Variants in KIAA1549L observed in about 807,000 individuals in gnomAD.
KIAA1549L encodes the protein UPF0606 protein KIAA1549L.
KIAA1549L carries 88 observed loss-of-function variants against 160.7 expected under a neutral mutation model. That is an observed-to-expected ratio of 0.55 (90% confidence interval 0.46 to 0.65). KIAA1549L has a LOEUF of 0.65. Ranked by LOEUF, KIAA1549L falls within the 30% of genes least tolerant of loss-of-function variation. KIAA1549L has a pLI of 0.00. For missense variants in KIAA1549L, 2,258 were observed against 2,437.5 expected, an observed-to-expected ratio of 0.93 and a Z score of 1.55; for synonymous variants, 950 against 976.7, an observed-to-expected ratio of 0.97 and a Z score of 0.51.
intron 1 of KIAA1549L, among the ~76,000 whole-genome samples, chr11:33,412,545 T>C (rs779184514): frequency 3.3e-5 from 5 of 152,164 alleles, no homozygotes; most frequent in Non-Finnish European, 7.3e-5. Flanking sequence ...GGAACTAGTA[T>C]TGAGGTACAC....
chr11:33,653,679 T>C (rs1327107867), intron 17 of KIAA1549L, among the ~76,000 whole-genome samples: 3 of 152,198 alleles, frequency 2.0e-5, no homozygotes, highest in Admixed American at 1.3e-4. Flanking sequence ...TTGTCTTTGT[T>C]TTCCTTCTTC....
chr11:33,471,226 T>C (rs928395301), intron 1 of KIAA1549L, among the ~76,000 whole-genome samples: 1 of 151,934 alleles, frequency 6.6e-6, no homozygotes, highest in African/African-American at 2.4e-5. Flanking sequence ...ACCTTTTTTT[T>C]TTTTTTTCAA....
chr11:33,634,438 G>A (rs184077827), intron 16 of KIAA1549L, among the ~76,000 whole-genome samples: 7 of 152,290 alleles, frequency 4.6e-5, no homozygotes, highest in Admixed American at 1.3e-4. Flanking sequence ...GAGATGGGCC[G>A]TAGTACAAGG....
intron 8 of KIAA1549L, among the ~76,000 whole-genome samples, chr11:33,562,009 A>G (rs537865168): frequency 6.6e-6 from 1 of 152,334 alleles, no homozygotes; most frequent in South Asian, 2.1e-4. Flanking sequence ...TTAACCGAAG[A>G]AGGTCTAGGG....
At chr11:33,450,512 A>G (rs949524717) in intron 1 of KIAA1549L, 2 of 152,136 alleles carry the variant, frequency 1.3e-5, no homozygotes, top group Admixed American at 6.6e-5. Flanking sequence ...GTAAGCTACA[A>G]CTGTGTCACT....
At chr11:33,513,793 G>A (rs1245257882) in intron 1 of KIAA1549L, among the ~76,000 whole-genome samples, 1 of 152,204 alleles carries the variant, frequency 6.6e-6, no homozygotes, top group Non-Finnish European at 1.5e-5. Context: ...TGAACTTCAT[G>A]TTTGCAGGAT....
At chr11:33,666,818 T>C (rs1435152106) in intron 20 of KIAA1549L, among the ~76,000 whole-genome samples, 1 of 152,112 alleles carries the variant, frequency 6.6e-6, no homozygotes, top group Non-Finnish European at 1.5e-5. Context: ...CTGCAAAGAG[T>C]GTCTTGGTAG....
At chr11:33,604,980 A>G (rs766877071) in intron 13 of KIAA1549L, among the ~76,000 whole-genome samples, 17 of 152,200 alleles carry the variant, frequency 1.1e-4, no homozygotes, top group Non-Finnish European at 2.5e-4. Flanking sequence ...AAAATAAAAA[A>G]TAAAGTCTTG....
intron 1 of KIAA1549L, among the ~76,000 whole-genome samples, chr11:33,409,233 C>A (rs571098632): frequency 6.6e-6 from 1 of 152,212 alleles, no homozygotes; most frequent in East Asian, 1.9e-4. Context: ...TGTGAAACCC[C>A]AGTGTTTTTG....
At chr11:33,381,991 T>C (rs967505366) in intron 1 of KIAA1549L, among the ~76,000 whole-genome samples, 3 of 152,080 alleles carry the variant, frequency 2.0e-5, no homozygotes, top group Admixed American at 6.6e-5. Flanking sequence ...ATGTAAAGCT[T>C]GAAATGTTTA....
intron 1 of KIAA1549L, among the ~76,000 whole-genome samples, chr11:33,436,110 A>G (rs1004868595): frequency 3.3e-5 from 5 of 152,054 alleles, no homozygotes; most frequent in Admixed American, 3.3e-4. Context: ...TGCATAGCTT[A>G]TAAGCAAATG....
chr11:33,418,624 G>A (rs1306599587), intron 1 of KIAA1549L, among the ~76,000 whole-genome samples: 1 of 152,174 alleles, frequency 6.6e-6, no homozygotes, highest in African/African-American at 2.4e-5. Flanking sequence ...TAGGCAGCGA[G>A]GGACCACAGG....
Position 33,417,216 on chromosome 11 carries a change from C to T in KIAA1549L, c.238+40327C>T, listed in dbSNP as rs202111360. On this transcript the variant is annotated intron_variant, in intron 1 of 20. Transcript: ENST00000658780. ...TCGGACAATACAGATCTGTAAAGTA[C>T]TACATTCACGTTTTTCAAACTTTCT... Among the ~76,000 whole-genome samples the T allele has an allele frequency of 1.5e-4, 23 of 152,216 alleles. No individual in the cohort carries two copies. In the East Asian group the frequency reaches 4.2e-3, roughly 28 times the overall value.
intron 1 of KIAA1549L, among the ~76,000 whole-genome samples, chr11:33,515,502 G>T (rs906171929): frequency 6.6e-6 from 1 of 152,254 alleles, no homozygotes; most frequent in Admixed American, 6.5e-5. Context: ...AGTCTGCGCA[G>T]CTGGGGCTGT....
intron 16 of KIAA1549L, among the ~76,000 whole-genome samples, chr11:33,632,212 C>T (rs1037306115): frequency 6.6e-6 from 1 of 152,204 alleles, no homozygotes; most frequent in Non-Finnish European, 1.5e-5. Context: ...ATACACAGGT[C>T]TGTGTTCCCT....
chr11:33,586,501 C>T (rs1321880430), intron 11 of KIAA1549L, among the ~76,000 whole-genome samples: 1 of 152,184 alleles, frequency 6.6e-6, no homozygotes, highest in Non-Finnish European at 1.5e-5. Context: ...CTTCCCTTTA[C>T]TCTGTCATTG....
Position 33,543,067 on chromosome 11 carries a change from C to T in KIAA1549L, c.1504C>T (p.Pro502Ser), listed in dbSNP as rs2133176200. Residue 502 changes from proline to serine, a missense_variant, in exon 2 of 21, where the codon CCC (proline) becomes TCC (serine). Around this residue, in one of 6 missense-constraint regions of KIAA1549L, gnomAD observed 540 missense variants for 465.7 expected, o/e 1.16. Transcript: ENST00000658780. ...ACCATCAACTGGGACAGCCGACTTT[C>T]CCTCCATACTTACTTTCCTCCAGCC... Reference protein sequence around the residue: ...ASPSTGTADFPSILTFLQPTE... With the variant: ...ASPSTGTADFSSILTFLQPTE... 3 of 1,613,918 alleles carry T rather than the reference C, an allele frequency of 1.9e-6. No homozygotes were observed. The highest frequency in any genetic ancestry group is 2.2e-5 in the South Asian group (2 of 91,086).
At chr11:33,461,168 A>G (rs1489886757) in intron 1 of KIAA1549L, among the ~76,000 whole-genome samples, 1 of 150,930 alleles carries the variant, frequency 6.6e-6, no homozygotes, top group Non-Finnish European at 1.5e-5. Context: ...TTTTCTTTGT[A>G]ACAAAAAAAA....
At chr11:33,578,951 T>C (rs1299186662) in intron 10 of KIAA1549L, among the ~76,000 whole-genome samples, 1 of 152,172 alleles carries the variant, frequency 6.6e-6, no homozygotes, top group Non-Finnish European at 1.5e-5. Context: ...TCCTTCCTGG[T>C]TCTATTCTTG....
Sources: allele counts gnomAD v4.1 joint callset (sites outside exome capture counted in the v4.1 genomes callset), GRCh38; gene constraint gnomAD v4.1.1; regional missense constraint gnomAD v4.1.1; transcripts MANE v1.5; gene names NCBI Gene and HGNC (gene_info 2026-07-23, HGNC 2026-07-21).